DTNA: variants seen among roughly 807,000 people sequenced by gnomAD.
DTNA encodes dystrobrevin alpha.
A neutral mutation model predicts 100.7 loss-of-function variants in DTNA; 43 were observed. The observed-to-expected ratio is 0.43, with a 90% CI of 0.33 to 0.55. The LOEUF is 0.55. Among genes scored for constraint, DTNA ranks in the 20% least tolerant of loss-of-function variants. The pLI is 0.04. For synonymous variants in DTNA, 349 were observed against 347.9 expected (o/e 1.00, Z -0.04); for missense variants, 798 against 953.9 (o/e 0.84, Z 2.15).
intron 1 of DTNA, among the ~76,000 whole-genome samples, chr18:34,682,528 C>T (rs756163786): frequency 6.6e-6 from 1 of 152,144 alleles, no homozygotes; most frequent in Non-Finnish European, 1.5e-5. Context: ...ATATCCTCTC[C>T]AGCATTTGAT....
chr18:34,651,797 C>T (rs1337002419), intron 1 of DTNA, among the ~76,000 whole-genome samples: 1 of 152,158 alleles, frequency 6.6e-6, no homozygotes, highest in African/African-American at 2.4e-5. Flanking sequence ...AGCATGGTGA[C>T]TCATACCTAT....
intron 1 of DTNA, among the ~76,000 whole-genome samples, chr18:34,533,654 T>TA (rs1203768047): frequency 2.6e-5 from 4 of 151,778 alleles, no homozygotes; most frequent in South Asian, 2.1e-4. Context: ...TTTTTCTCAA[T>TA]AAAAAAATAC....
intron 1 of DTNA, among the ~76,000 whole-genome samples, chr18:34,571,232 T>C (rs898856991): frequency 6.6e-6 from 1 of 152,308 alleles, no homozygotes; most frequent in African/African-American, 2.4e-5. Flanking sequence ...TGATCAGTTA[T>C]ATGAAAAGTT....
chr18:34,702,522 G>A (rs1015910434), intron 1 of DTNA, among the ~76,000 whole-genome samples: 3 of 152,090 alleles, frequency 2.0e-5, no homozygotes, highest in Non-Finnish European at 4.4e-5. Flanking sequence ...TTGGGCCACC[G>A]TTTTTAGAAC....
At chr18:34,866,520 A>C (rs2096706213) in intron 17 of DTNA, 1 of 1,135,860 alleles carries the variant, frequency 8.8e-7, no homozygotes, top group African/African-American at 1.6e-5. Flanking sequence ...ATGTCATCCC[A>C]AAACCCACAG....
At chr18:34,733,959 T>C (rs1009260479) in intron 1 of DTNA, among the ~76,000 whole-genome samples, 5 of 152,240 alleles carry the variant, frequency 3.3e-5, no homozygotes, top group African/African-American at 1.2e-4. Context: ...TTCAGCCTGA[T>C]CCAACTCTAT....
chr18:34,585,488 A>T (rs1287388932), intron 1 of DTNA, among the ~76,000 whole-genome samples: 1 of 152,212 alleles, frequency 6.6e-6, no homozygotes, highest in Non-Finnish European at 1.5e-5. Context: ...TGTAAACCCT[A>T]ATTAGTAGTT....
At chr18:34,598,475 G>T (rs770850088) in intron 1 of DTNA, among the ~76,000 whole-genome samples, 1 of 152,146 alleles carries the variant, frequency 6.6e-6, no homozygotes, top group African/African-American at 2.4e-5. Context: ...AAAACACTGG[G>T]TTGTTTTCAA....
intron 3 of DTNA, among the ~76,000 whole-genome samples, chr18:34,780,437 A>G (rs901958818): frequency 6.6e-6 from 1 of 152,240 alleles, no homozygotes; most frequent in African/African-American, 2.4e-5. Context: ...AACCTGCTGT[A>G]AAACTGATAG....
intron 1 of DTNA, among the ~76,000 whole-genome samples, chr18:34,561,208 G>A (rs772057217): frequency 2.0e-5 from 3 of 151,968 alleles, no homozygotes; most frequent in Non-Finnish European, 4.4e-5. Flanking sequence ...CTGTGACAAC[G>A]GATTTTAGCA....
At chr18:34,493,887 G>T (rs914526487) in intron 1 of DTNA, 3 of 148,018 alleles carry the variant, frequency 2.0e-5, no homozygotes, top group African/African-American at 7.3e-5. Context: ...CGCGGCTAGC[G>T]CGAAGCATGT....
intron 1 of DTNA, among the ~76,000 whole-genome samples, chr18:34,661,373 A>G (rs1358793631): frequency 6.6e-6 from 1 of 152,174 alleles, no homozygotes; most frequent in Non-Finnish European, 1.5e-5. Flanking sequence ...GTATGTATTG[A>G]TGGCCCTGCC....
intron 1 of DTNA, among the ~76,000 whole-genome samples, chr18:34,517,934 G>C (rs1390894062): frequency 2.0e-5 from 3 of 152,212 alleles, no homozygotes; most frequent in Non-Finnish European, 2.9e-5. Flanking sequence ...TTGTGTGAAA[G>C]TAAACTTTCA....
intron 1 of DTNA, among the ~76,000 whole-genome samples, chr18:34,521,715 G>T (rs375834263): frequency 6.6e-6 from 1 of 152,010 alleles, no homozygotes; most frequent in South Asian, 2.1e-4. Flanking sequence ...ACATCTCCGC[G>T]GCTTACTCTC....
intron 1 of DTNA, among the ~76,000 whole-genome samples, chr18:34,579,552 A>G (rs1041732514): frequency 2.0e-5 from 3 of 152,204 alleles, no homozygotes; most frequent in African/African-American, 7.2e-5. Context: ...TGTTGAACAT[A>G]GAATTCTAGA....
intron 2 of DTNA, among the ~76,000 whole-genome samples, chr18:34,759,695 GT>G (rs1408320307): frequency 1.3e-5 from 2 of 152,102 alleles, no homozygotes; most frequent in African/African-American, 4.8e-5. Context: ...TTTTGCTTTT[GT>G]TTTGAGACAC....
At chr18:34,837,751 G>A (rs1603055501) in intron 11 of DTNA, among the ~76,000 whole-genome samples, 1 of 152,164 alleles carries the variant, frequency 6.6e-6, no homozygotes, top group Non-Finnish European at 1.5e-5. Flanking sequence ...CTAAAGGCTG[G>A]CAGGACTTAG....
chr18:34,867,775 G>C (rs1006880655), intron 17 of DTNA: 2 of 985,282 alleles, frequency 2.0e-6, no homozygotes, highest in African/African-American at 3.5e-5. Context: ...GAGCCAAACT[G>C]TGGCAGTGCC....
intron 3 of DTNA, among the ~76,000 whole-genome samples, chr18:34,788,130 G>T (rs1313880078): frequency 6.6e-6 from 1 of 152,158 alleles, no homozygotes; most frequent in Admixed American, 6.5e-5. Context: ...AATGCGCGCA[G>T]TGCCATCTAG....
Sources: allele counts gnomAD v4.1 joint callset (sites outside exome capture counted in the v4.1 genomes callset), GRCh38; gene constraint gnomAD v4.1.1; transcripts MANE v1.5; gene names NCBI Gene and HGNC (gene_info 2026-07-23, HGNC 2026-07-21).